Variants in FRMD4B observed in about 807,000 individuals in gnomAD.
FRMD4B encodes the protein FERM domain containing 4B, also known as FERM domain-containing protein 4B.
In FRMD4B, 74 loss-of-function variants were observed where a neutral mutation model predicts 141.5. The ratio of observed to expected loss-of-function variants is 0.52; its 90% CI spans 0.43 to 0.63. The LOEUF is 0.63. Among genes scored for constraint, FRMD4B ranks in the 30% least tolerant of loss-of-function variants. FRMD4B has a pLI of 0.00. For missense variants in FRMD4B, 1,366 were observed against 1,253.4 expected (o/e 1.09, Z -1.36); for synonymous variants, 506 against 467.9 (o/e 1.08, Z -1.05).
upstream of FRMD4B, among the ~76,000 whole-genome samples, chr3:69,389,032 C>CA (rs1169408681): frequency 4.6e-5 from 5 of 108,782 alleles, no homozygotes; most frequent in African/African-American, 1.0e-4. Flanking sequence ...TCTTAGTCTA[C>CA]TTTTTTTTTT....
intron 5 of FRMD4B, among the ~76,000 whole-genome samples, chr3:69,275,843 A>T (rs568447696): frequency 1.9e-4 from 29 of 152,322 alleles, no homozygotes; most frequent in African/African-American, 6.7e-4. Context: ...AAAATTGGAA[A>T]AGTATAACTT....
chr3:69,421,317 C>A (rs992701406), intron 2 of FRMD4B, among the ~76,000 whole-genome samples: 16 of 152,154 alleles, frequency 1.1e-4, no homozygotes, highest in African/African-American at 3.9e-4. Context: ...TTTTATTTCC[C>A]GTATGAAGAG....
chr3:69,295,736 C>T (rs1465895707), intron 4 of FRMD4B, among the ~76,000 whole-genome samples: 1 of 152,204 alleles, frequency 6.6e-6, no homozygotes, highest in Non-Finnish European at 1.5e-5. Context: ...AGTGCTGCTG[C>T]AGTGAAACCT....
chr3:69,202,220 A>C (rs1163058107), intron 11 of FRMD4B, among the ~76,000 whole-genome samples: 10 of 152,126 alleles, frequency 6.6e-5, no homozygotes, highest in African/African-American at 2.2e-4. Flanking sequence ...AAGAAAAGTC[A>C]TGAAGGGATT....
At chr3:69,303,699 G>A (rs1302980919) in intron 3 of FRMD4B, among the ~76,000 whole-genome samples, 1 of 152,186 alleles carries the variant, frequency 6.6e-6, no homozygotes, top group Non-Finnish European at 1.5e-5. Context: ...GGAGGCCAAG[G>A]CAGGCAGATT....
intron 1 of FRMD4B, among the ~76,000 whole-genome samples, chr3:69,464,704 C>T (rs896678582): frequency 2.6e-5 from 4 of 152,160 alleles, no homozygotes; most frequent in African/African-American, 9.7e-5. Flanking sequence ...CCCGAGTGAT[C>T]ACCTGATGCA....
intron 8 of FRMD4B, among the ~76,000 whole-genome samples, chr3:69,223,546 C>G (rs1429546609): frequency 1.3e-5 from 2 of 151,912 alleles, no homozygotes; most frequent in African/African-American, 4.8e-5. Context: ...ATAGATAAAA[C>G]TATCGCGCTT....
intron 5 of FRMD4B, among the ~76,000 whole-genome samples, chr3:69,284,776 A>C (rs6764002): frequency 0.4 from 60,611 of 152,112 alleles, 12,677 homozygotes; most frequent in Non-Finnish European, 0.46. Context: ...CAAAGGCATT[A>C]AAACAATTAT....
intron 3 of FRMD4B, among the ~76,000 whole-genome samples, chr3:69,307,050 G>A (rs779413863): frequency 1.6e-4 from 25 of 152,000 alleles, no homozygotes; most frequent in African/African-American, 5.3e-4. Context: ...CAACAGCCCC[G>A]CTCATACTTC....
intron 12 of FRMD4B, among the ~76,000 whole-genome samples, chr3:69,197,463 G>A (rs1218133125): frequency 3.9e-5 from 6 of 152,004 alleles, no homozygotes; most frequent in African/African-American, 1.2e-4. Flanking sequence ...AGATTTGGCC[G>A]GCTCTGACAT....
chr3:69,352,657 G>GA (rs1211521590), intron 1 of FRMD4B, among the ~76,000 whole-genome samples: 1 of 151,776 alleles, frequency 6.6e-6, no homozygotes, highest in African/African-American at 2.4e-5. Context: ...AGGCAGCAAA[G>GA]AAAAAAAACC....
intron 17 of FRMD4B, among the ~76,000 whole-genome samples, chr3:69,192,898 G>C (rs1416176042): frequency 6.6e-6 from 1 of 151,734 alleles, no homozygotes; most frequent in Non-Finnish European, 1.5e-5. Flanking sequence ...GTTCACTGCA[G>C]CCTCGATTAC....
intron 1 of FRMD4B, among the ~76,000 whole-genome samples, chr3:69,465,358 C>T (rs1021696742): frequency 6.6e-6 from 1 of 151,562 alleles, no homozygotes; most frequent in Non-Finnish European, 1.5e-5. Context: ...TACAGAATTC[C>T]ATGAGACATT....
At chr3:69,396,649 C>T (rs1177129900) in intron 2 of FRMD4B, among the ~76,000 whole-genome samples, 1 of 152,174 alleles carries the variant, frequency 6.6e-6, no homozygotes, top group Non-Finnish European at 1.5e-5. Flanking sequence ...TGATATACTA[C>T]TTCACATCCA....
Position 69,187,838 on chromosome 3 carries a change from A to G in FRMD4B, c.1851T>C (p.Leu617=), listed in dbSNP as rs766631855. 8 of 1,611,830 alleles carry G rather than the reference A, an allele frequency of 5.0e-6. No individual in the cohort carries two copies. The highest frequency in any genetic ancestry group is 6.8e-6 in the Non-Finnish European group (8 of 1,178,416). Residue 617 remains leucine, a synonymous_variant, in exon 19 of 23, where the codon CTT becomes CTC. Coordinates refer to ENST00000398540, the MANE Select transcript of FRMD4B (RefSeq NM_015123.3). ...TTCTGAAATGGATTCGCTCAATACCAAGAGACTTGGGGGGAAGAATTCTTG... is the reference window on the plus strand; with the variant it reads ...TTCTGAAATGGATTCGCTCAATACCGAGAGACTTGGGGGGAAGAATTCTTG... ...HSPRILPPKS[L]GIERIHFRKS... is the part of the protein sequence containing the mutation.
At chr3:69,534,605 G>A (rs1377571034) in intron 1 of FRMD4B, among the ~76,000 whole-genome samples, 3 of 152,150 alleles carry the variant, frequency 2.0e-5, no homozygotes, top group Non-Finnish European at 4.4e-5. Context: ...GAAAACCTGG[G>A]TTCTAGCCCT....
intron 4 of FRMD4B, among the ~76,000 whole-genome samples, chr3:69,292,170 T>G (rs1700896116): frequency 6.6e-6 from 1 of 152,154 alleles, no homozygotes; most frequent in Non-Finnish European, 1.5e-5. Flanking sequence ...CAGAATGCTG[T>G]GGGGGCCCAC....
chr3:69,196,357 T>C lies in FRMD4B; in HGVS notation c.1132A>G (p.Met378Val), dbSNP rs376190505. ...PSARSLDEIA[M>V]DLTETGTQRA... ...TGTGTTCCTGTCTCTGTCAAATCCA[T>C]TGCAATCTCATCTAAACTCCTGGCT... The change falls in exon 14 of 23, where the codon ATG (methionine) becomes GTG (valine). Residue 378 changes from methionine to valine, a missense_variant. Transcript: ENST00000398540. 31 of 1,611,796 alleles carry C rather than the reference T, an allele frequency of 1.9e-5. No individual in the cohort carries two copies. Among genetic ancestry groups the C allele is most frequent in the East Asian group, 8.9e-5 (4 of 44,786 alleles).
intron 1 of FRMD4B, among the ~76,000 whole-genome samples, chr3:69,383,066 G>A (rs977951789): frequency 1.9e-4 from 17 of 88,944 alleles, no homozygotes; most frequent in African/African-American, 2.4e-4. Flanking sequence ...TCCAGGCAGC[G>A]TGCTAAATAT....
Sources: gnomAD v4.1 joint callset for allele counts (sites outside exome capture counted in the v4.1 genomes callset) on GRCh38, gnomAD v4.1.1 for gene constraint, MANE v1.5 for transcripts, NCBI Gene and HGNC (gene_info 2026-07-23, HGNC 2026-07-21) for gene names.